The following CDH13 variants were observed in gnomAD, a reference collection of about 807,000 sequenced individuals.
CDH13 encodes cadherin-13.
Under a neutral mutation model 63.8 loss-of-function variants are expected in CDH13, and 24 were observed. The ratio of observed to expected loss-of-function variants is 0.38; its 90% confidence interval spans 0.27 to 0.53. The LOEUF (loss-of-function observed/expected upper bound fraction) is 0.53, where lower values mean the gene tolerates loss of function less well. Among genes scored for constraint, CDH13 ranks in the 20% least tolerant of loss-of-function variants. CDH13 has a pLI of 0.85. For synonymous variants in CDH13, 503 were observed against 355.3 expected (o/e 1.42, Z -4.67); for missense variants, 1,049 against 903.1 (o/e 1.16, Z -2.07).
intron 5 of CDH13, among the ~76,000 whole-genome samples, chr16:83,252,769 A>G (rs1905736008): frequency 1.3e-5 from 2 of 152,184 alleles, no homozygotes; most frequent in Middle Eastern, 3.4e-3. Context: ...GCTGCTCAGT[A>G]TCCTACCGTT....
At chr16:83,101,519 G>C (rs531838697) in intron 3 of CDH13, among the ~76,000 whole-genome samples, 15 of 151,934 alleles carry the variant, frequency 9.9e-5, no homozygotes, top group Non-Finnish European at 1.2e-4. Context: ...GAGGCTGGGC[G>C]TGGTGGCTAA....
At chr16:83,158,239 CTT>C (rs2037298039) in intron 4 of CDH13, among the ~76,000 whole-genome samples, 1 of 152,124 alleles carries the variant, frequency 6.6e-6, no homozygotes, top group Non-Finnish European at 1.5e-5. Flanking sequence ...AAAAGTTTCT[CTT>C]TCTTTATGTT....
chr16:82,716,112 C>T (rs1194881307), intron 1 of CDH13, among the ~76,000 whole-genome samples: 1 of 152,212 alleles, frequency 6.6e-6, no homozygotes, highest in African/African-American at 2.4e-5. Flanking sequence ...GGCAGGCTGG[C>T]CTGGCCTCAG....
chr16:83,234,969 A>G (rs2040102700), intron 5 of CDH13, among the ~76,000 whole-genome samples: 1 of 152,156 alleles, frequency 6.6e-6, no homozygotes, highest in South Asian at 2.1e-4. Flanking sequence ...GGCCTAAGCC[A>G]GAGGATTGCT....
At chr16:83,688,791 A>G (rs1904564121) in intron 10 of CDH13, among the ~76,000 whole-genome samples, 1 of 152,196 alleles carries the variant, frequency 6.6e-6, no homozygotes, top group Non-Finnish European at 1.5e-5. Context: ...GGAATTTTTA[A>G]TTATTTATGC....
intron 1 of CDH13, among the ~76,000 whole-genome samples, chr16:82,756,391 A>G (rs2034612422): frequency 6.6e-6 from 1 of 152,168 alleles, no homozygotes; most frequent in African/African-American, 2.4e-5. Context: ...AATAGCCACC[A>G]TTTGTGGATC....
intron 1 of CDH13, among the ~76,000 whole-genome samples, chr16:82,668,267 G>C (rs1912840080): frequency 6.6e-6 from 1 of 152,120 alleles, no homozygotes; most frequent in South Asian, 2.1e-4. Flanking sequence ...GGTGAGCAAT[G>C]CCTTCTAGGC....
chr16:83,497,553 A>G (rs112022855), intron 7 of CDH13, among the ~76,000 whole-genome samples: 1 of 151,730 alleles, frequency 6.6e-6, no homozygotes, highest in African/African-American at 2.4e-5. Flanking sequence ...GGAGAAATAC[A>G]TAATGCTAGA....
intron 1 of CDH13, among the ~76,000 whole-genome samples, chr16:82,755,122 A>G (rs1245869464): frequency 6.6e-6 from 1 of 152,224 alleles, no homozygotes; most frequent in East Asian, 1.9e-4. Context: ...GATAAAATAT[A>G]TGCAGTGTTC....
chr16:82,856,631 G>T (rs2039707653), intron 1 of CDH13, among the ~76,000 whole-genome samples: 1 of 128,082 alleles, frequency 7.8e-6, no homozygotes, highest in South Asian at 2.6e-4. Context: ...GAGCCCAGGA[G>T]GTTGGGTCTG....
At chr16:83,618,359 A>G (rs959214446) in intron 8 of CDH13, among the ~76,000 whole-genome samples, 2 of 150,520 alleles carry the variant, frequency 1.3e-5, no homozygotes. Context: ...CAGGGGTTGG[A>G]GGTTGCAGTG....
chr16:83,139,065 C>T (rs764182594), intron 4 of CDH13, among the ~76,000 whole-genome samples: 6 of 151,666 alleles, frequency 4.0e-5, no homozygotes, highest in South Asian at 2.1e-4. Context: ...TCCACCTCCC[C>T]GTAGTTTGCT....
chr16:83,021,363 G>C (rs1915330218), intron 2 of CDH13, among the ~76,000 whole-genome samples: 1 of 152,138 alleles, frequency 6.6e-6, no homozygotes, highest in Non-Finnish European at 1.5e-5. Context: ...AACCACCATG[G>C]GATAGATGAT....
chr16:83,669,023 A>G (rs777877359), intron 8 of CDH13, among the ~76,000 whole-genome samples: 9 of 152,142 alleles, frequency 5.9e-5, no homozygotes, highest in Admixed American at 1.3e-4. Context: ...CCCCGACTAC[A>G]TATTGGAATT....
intron 5 of CDH13, among the ~76,000 whole-genome samples, chr16:83,261,309 C>T (rs1906962690): frequency 6.6e-6 from 1 of 152,186 alleles, no homozygotes; most frequent in Admixed American, 6.5e-5. Context: ...GATACGTTAA[C>T]TTCATCCCCT....
At chr16:83,721,581 CTT>C (rs1909696420) in intron 10 of CDH13, 1 of 152,342 alleles carries the variant, frequency 6.6e-6, no homozygotes, top group African/African-American at 2.4e-5. Flanking sequence ...GCAAGGGACT[CTT>C]TGTGGCTGTC....
At chr16:83,694,462 C>T (rs2150897198) in intron 10 of CDH13, among the ~76,000 whole-genome samples, 1 of 152,270 alleles carries the variant, frequency 6.6e-6, no homozygotes, top group African/African-American at 2.4e-5. Context: ...GAGAAACATC[C>T]ACTCCAAAAC....
chr16:83,523,085 A>T (rs1050372974), intron 7 of CDH13, among the ~76,000 whole-genome samples: 6 of 151,098 alleles, frequency 4.0e-5, no homozygotes, highest in African/African-American at 1.5e-4. Flanking sequence ...TCCCTATTCC[A>T]CCCTCCTCTG....
chr16:83,381,210 T>G (rs2091560662), intron 6 of CDH13, among the ~76,000 whole-genome samples: 1 of 152,182 alleles, frequency 6.6e-6, no homozygotes, highest in Admixed American at 6.5e-5. Flanking sequence ...TTTTTCTAAT[T>G]TCTAAAGTTG....
Sources: gnomAD v4.1 joint callset for allele counts (sites outside exome capture counted in the v4.1 genomes callset) on GRCh38, gnomAD v4.1.1 for gene constraint, MANE v1.5 for transcripts, NCBI Gene and HGNC (gene_info 2026-07-23, HGNC 2026-07-21) for gene names.